RNLS: variants seen among roughly 807,000 people sequenced by gnomAD.
The protein encoded by RNLS is renalase.
Under a neutral mutation model 39.8 loss-of-function variants are expected in RNLS, and 39 were observed. The observed-to-expected ratio is 0.98, with a 90% CI of 0.76 to 1.28. The LOEUF (loss-of-function observed/expected upper bound fraction) is 1.28. Ranked by LOEUF, RNLS falls within the 50% of genes most tolerant of loss-of-function variation. RNLS has a pLI of 0.00. For synonymous variants in RNLS, 147 were observed against 150.7 expected (o/e 0.98, Z 0.18); for missense variants, 410 against 413.3 (o/e 0.99, Z 0.07).
the RNLS span, among the ~76,000 whole-genome samples, chr10:88,200,799 G>A: frequency 6.6e-6 from 1 of 151,964 alleles, no homozygotes; most frequent in Non-Finnish European, 1.5e-5. Context: ...AGACTGCAAG[G>A]GTCACTCTGA....
intron 5 of RNLS, among the ~76,000 whole-genome samples, chr10:88,351,165 C>A (rs1249910523): frequency 6.6e-6 from 1 of 151,558 alleles, no homozygotes; most frequent in Non-Finnish European, 1.5e-5. Flanking sequence ...AAAATTTTTT[C>A]CCATTCTGTA....
At chr10:88,466,709 A>AT (rs1180834749) in intron 4 of RNLS, among the ~76,000 whole-genome samples, 1 of 152,110 alleles carries the variant, frequency 6.6e-6, no homozygotes, top group Non-Finnish European at 1.5e-5. Flanking sequence ...CCAAAAGTGT[A>AT]TTTTTTAAAT....
intron 4 of RNLS, among the ~76,000 whole-genome samples, chr10:88,530,514 TTAAC>T (rs1345171263): frequency 2.0e-5 from 3 of 152,196 alleles, no homozygotes; most frequent in Non-Finnish European, 4.4e-5. Flanking sequence ...TACTCAAAAT[TTAAC>T]TACTCGTTCA....
At chr10:88,180,166 A>G in the RNLS span, among the ~76,000 whole-genome samples, 2 of 152,222 alleles carry the variant, frequency 1.3e-5, no homozygotes, top group African/African-American at 2.4e-5. Flanking sequence ...TTTGTACATC[A>G]AAGCTAGATC....
At chr10:88,377,186 C>T (rs990672909) in intron 4 of RNLS, among the ~76,000 whole-genome samples, 2 of 151,690 alleles carry the variant, frequency 1.3e-5, no homozygotes, top group Non-Finnish European at 2.9e-5. Flanking sequence ...CTCCACATCT[C>T]TGTGTGTGTG....
chr10:88,468,851 A>G (rs2133967981), intron 4 of RNLS, among the ~76,000 whole-genome samples: 1 of 152,280 alleles, frequency 6.6e-6, no homozygotes, highest in East Asian at 1.9e-4. Flanking sequence ...TTGAACCAAG[A>G]ACTCTTGATG....
chr10:88,319,966 A>C (rs1846055190), intron 5 of RNLS, among the ~76,000 whole-genome samples: 1 of 152,078 alleles, frequency 6.6e-6, no homozygotes, highest in Non-Finnish European at 1.5e-5. Context: ...AGAAGATGAT[A>C]GTCACCAAGG....
chr10:88,358,715 C>G (rs527761243), intron 5 of RNLS, among the ~76,000 whole-genome samples: 1 of 152,196 alleles, frequency 6.6e-6, no homozygotes, highest in African/African-American at 2.4e-5. Flanking sequence ...CTCCCTCTGC[C>G]TAAGGAAATT....
the RNLS span, among the ~76,000 whole-genome samples, chr10:88,226,880 T>C: frequency 1.3e-5 from 2 of 152,082 alleles, no homozygotes; most frequent in East Asian, 3.9e-4. Flanking sequence ...TTTTTTTCCT[T>C]CTAAGAGATG....
the RNLS span, among the ~76,000 whole-genome samples, chr10:88,183,168 A>G: frequency 3.9e-5 from 6 of 152,228 alleles, no homozygotes; most frequent in East Asian, 1.2e-3. Context: ...CCAAATCCAT[A>G]TTTTCCTTTG....
the RNLS span, among the ~76,000 whole-genome samples, chr10:88,267,150 G>C: frequency 7.4e-3 from 1,122 of 152,216 alleles, 15 homozygotes; most frequent in African/African-American, 0.026. Context: ...TTTTGCAGAG[G>C]ACCCAAATTA....
At chr10:88,579,316 T>C (rs1032091323) in intron 3 of RNLS, among the ~76,000 whole-genome samples, 3 of 152,140 alleles carry the variant, frequency 2.0e-5, no homozygotes, top group Non-Finnish European at 4.4e-5. Context: ...TCAAACACGG[T>C]AGGTCAGATA....
At position 88,276,429 on chromosome 10, in the gene RNLS, T is replaced by A. The variant is rs188923587; in HGVS notation, c.877-1397A>T. On this transcript the variant is annotated intron_variant, in intron 6 of 6. Coordinates refer to the RNLS transcript ENST00000371947. ...GGCATGTATTATATATTTGTTTATA[T>A]TTATCCCTTTAATCCATCTGGAAAT... 1.4e-3 allele frequency among the ~76,000 whole-genome samples: 209 copies of A among 152,308 alleles called. 1 individual carries two copies. Among genetic ancestry groups the A allele is most frequent in the African/African-American group, 4.8e-3 (199 of 41,584 alleles).
At chr10:88,289,243 G>C (rs1314943639) in intron 6 of RNLS, among the ~76,000 whole-genome samples, 1 of 152,156 alleles carries the variant, frequency 6.6e-6, no homozygotes. Context: ...CCCTCATGGA[G>C]AGCTCTTCAT....
chr10:88,427,012 A>G (rs1854814914), intron 4 of RNLS, among the ~76,000 whole-genome samples: 1 of 152,066 alleles, frequency 6.6e-6, no homozygotes, highest in South Asian at 2.1e-4. Flanking sequence ...TAACTAATAA[A>G]AACAGTATCT....
intron 4 of RNLS, among the ~76,000 whole-genome samples, chr10:88,427,501 T>C (rs1854858921): frequency 6.6e-6 from 1 of 152,000 alleles, no homozygotes; most frequent in East Asian, 1.9e-4. Context: ...TTCACCTACC[T>C]GACACATTTC....
chr10:88,375,167 C>T (rs1477758528), intron 4 of RNLS, among the ~76,000 whole-genome samples: 1 of 151,996 alleles, frequency 6.6e-6, no homozygotes, highest in Non-Finnish European at 1.5e-5. Context: ...CATTTATGAA[C>T]AAGACACCAA....
chr10:88,277,417 T>C (rs540312863), intron 6 of RNLS, among the ~76,000 whole-genome samples: 1 of 152,268 alleles, frequency 6.6e-6, no homozygotes, highest in Non-Finnish European at 1.5e-5. Context: ...ACATGGCACA[T>C]GTATACCTAT....
intron 4 of RNLS, among the ~76,000 whole-genome samples, chr10:88,539,695 A>G (rs1847946688): frequency 1.3e-5 from 2 of 152,154 alleles, no homozygotes; most frequent in South Asian, 4.1e-4. Context: ...ACTTTTTAAC[A>G]TGGGATATCT....
Sources: allele counts gnomAD v4.1 joint callset (sites outside exome capture counted in the v4.1 genomes callset), GRCh38; gene constraint gnomAD v4.1.1; transcripts MANE v1.5; gene names NCBI Gene and HGNC (gene_info 2026-07-23, HGNC 2026-07-21).